Variants in BCL6 observed in about 807,000 individuals in gnomAD.
The protein encoded by BCL6 is BCL6 transcription repressor.
In BCL6, 7 loss-of-function variants were observed where a neutral mutation model predicts 59.5. The ratio of observed to expected loss-of-function variants is 0.12; its 90% CI spans 0.07 to 0.22. BCL6 has a LOEUF of 0.22. Among genes scored for constraint, BCL6 ranks in the 10% least tolerant of loss-of-function variants. The pLI is 1.00. For synonymous variants in BCL6, 339 were observed against 349.7 expected, an observed-to-expected ratio of 0.97 and a Z score of 0.34; for missense variants, 685 against 939.4, an observed-to-expected ratio of 0.73 and a Z score of 3.54.
chr3:187,741,759 C>A (rs920097083), intron 1 of BCL6, among the ~76,000 whole-genome samples: 8 of 152,206 alleles, frequency 5.3e-5, no homozygotes, highest in African/African-American at 1.9e-4. Context: ...CATCCACAAA[C>A]CTCCTCAACA....
intron 1 of BCL6, among the ~76,000 whole-genome samples, chr3:187,739,458 G>A (rs1711517538): frequency 6.6e-6 from 1 of 152,204 alleles, no homozygotes; most frequent in African/African-American, 2.4e-5. Context: ...GGGTGCAGGA[G>A]ACGACAGTAA....
At chr3:187,724,769 G>T (rs1560146700) in intron 9 of BCL6, 172 bp downstream of exon 9, 2 of 932,232 alleles carry the variant, frequency 2.1e-6, no homozygotes, top group East Asian at 5.4e-5. Context: ...TGGCCATTGG[G>T]CCCAGATCTA....
intron 4 of BCL6, 58 bp downstream of exon 4, chr3:187,731,651 T>C: frequency 1.9e-5 from 30 of 1,546,302 alleles, no homozygotes; most frequent in Non-Finnish European, 2.7e-5. Context: ...TTATCAAAGG[T>C]TTCTGATCGG....
intron 2 of BCL6, 123 bp from the exon 3 acceptor site, chr3:187,733,826 A>AT: frequency 1.1e-6 from 1 of 927,472 alleles, no homozygotes; most frequent in Non-Finnish European, 1.7e-6. Context: ...CTTGTATTTG[A>AT]TCTTTGAACA....
At chr3:187,737,060 A>G (rs1719312536) in intron 1 of BCL6, 1 of 152,044 alleles carries the variant, frequency 6.6e-6, no homozygotes, top group Non-Finnish European at 1.5e-5. Context: ...CACAAAAACA[A>G]TCTCCAAGGA....
rs2228258 is a variant in BCL6 at position 187,729,670 on chromosome 3, C to T, written c.735G>A (p.Pro245=). Residue 245 remains proline (P), a synonymous_variant, in exon 5 of 10, where the codon CCG becomes CCA. Coordinates refer to ENST00000406870, the MANE Select transcript of BCL6 (RefSeq NM_001706.5). The surrounding 1 kb of genome is among the most constrained non-coding windows in gnomAD (Gnocchi z 5.6). ...ACACATTGGGGGACACCTCCAAAGT[C>T]GGCCGGCTGTACTCACCAGGGACTG... ...ARPVPGEYSR[P]TLEVSPNVCH... The T allele has an allele frequency of 8.0e-4, 1,287 of 1,614,138 alleles. 3 individuals carry two copies. The highest frequency in any genetic ancestry group is 1.0e-3 in the Non-Finnish European group (1,208 of 1,180,018).
intron 1 of BCL6, among the ~76,000 whole-genome samples, chr3:187,739,182 C>A (rs1224703085): frequency 1.3e-5 from 2 of 152,156 alleles, no homozygotes; most frequent in Non-Finnish European, 2.9e-5. Context: ...CTCCAATAAC[C>A]CGCTGAAAAA....
intron 1 of BCL6, chr3:187,737,395 G>GAA (rs1553841139): frequency 5.9e-4 from 75 of 127,610 alleles, no homozygotes; most frequent in Non-Finnish European, 1.2e-3. Flanking sequence ...GAGAGAGAGA[G>GAA]AAAATGAGAG....
At position 187,729,256 on chromosome 3, in the gene BCL6, G is replaced by A; in HGVS notation, c.1149C>T (p.Leu383=). The change falls in exon 5 of 10, where the codon CTC becomes CTT. Residue 383 remains leucine (L), a synonymous_variant. Coordinates refer to ENST00000406870, the MANE Select transcript of BCL6 (RefSeq NM_001706.5). The surrounding 1 kb of genome is among the most constrained non-coding windows in gnomAD (Gnocchi z 5.6). ...CNWKKYKFIV[L]NSLNQNAKPE... is the part of the protein sequence containing the mutation. ...GTTTGGCATTCTGGTTGAGGCTGTT[G>A]AGCACGATGAACTTGTATTTCTTCC... 6.2e-7 allele frequency: 1 copy of A among 1,614,138 alleles called. No homozygotes were observed. The highest frequency in any genetic ancestry group is 8.5e-7 in the Non-Finnish European group (1 of 1,180,040).
intron 1 of BCL6, among the ~76,000 whole-genome samples, chr3:187,744,013 T>G (rs1579831005): frequency 6.6e-6 from 1 of 152,252 alleles, no homozygotes; most frequent in South Asian, 2.1e-4. Flanking sequence ...GAACGCGGGC[T>G]GGGGCTCTGT....
At chr3:187,736,788 T>C (rs1421327293) in intron 1 of BCL6, 2 of 152,022 alleles carry the variant, frequency 1.3e-5, no homozygotes, top group Non-Finnish European at 2.9e-5. Flanking sequence ...GTGTGGGCAA[T>C]GTTGTCACCA....
At chr3:187,731,972 A>G in intron 3 of BCL6, 42 bp from the exon 4 acceptor site, 1 of 1,537,674 alleles carries the variant, frequency 6.5e-7, no homozygotes, top group South Asian at 1.1e-5. Context: ...GACATATCGA[A>G]TCTGTGATCC....
rs1199842438 is a variant in BCL6 at position 187,722,429 on chromosome 3, T to C, written c.*29A>G. The C allele has an allele frequency of 6.3e-7, 1 of 1,596,036 alleles. No homozygotes were observed. The highest frequency in any genetic ancestry group is 8.5e-7 in the Non-Finnish European group (1 of 1,170,780). ...CTTTGGGTAGATTCTGAGAAGGGGC[T>C]GGAGACGAAAGCATCAACACTCCAT... On this transcript the variant is annotated 3_prime_UTR_variant, in exon 10 of 10. Coordinates refer to ENST00000406870, the MANE Select transcript of BCL6 (RefSeq NM_001706.5).
intron 1 of BCL6, among the ~76,000 whole-genome samples, chr3:187,743,413 T>C (rs1711691163): frequency 6.6e-6 from 1 of 151,932 alleles, no homozygotes; most frequent in East Asian, 1.9e-4. Context: ...GCTTGGGACT[T>C]TCAGCACCTG....
At chr3:187,731,236 G>C (rs552989666) in intron 4 of BCL6, among the ~76,000 whole-genome samples, 1 of 152,286 alleles carries the variant, frequency 6.6e-6, no homozygotes, top group African/African-American at 2.4e-5. Context: ...ACCTTGAGTA[G>C]CTCACAGTCT....
intron 4 of BCL6, among the ~76,000 whole-genome samples, chr3:187,730,877 GAGA>G (rs1719005651): frequency 6.6e-6 from 1 of 152,228 alleles, no homozygotes; most frequent in South Asian, 2.1e-4. Context: ...AAGCCAAAAA[GAGA>G]AGCTTTCTAA....
chr3:187,744,984 C>A (rs533031707), intron 1 of BCL6, among the ~76,000 whole-genome samples: 3 of 152,106 alleles, frequency 2.0e-5, no homozygotes, highest in East Asian at 3.9e-4. Flanking sequence ...ACCCCCCAAG[C>A]ACTGTCTCGT....
Position 187,729,519 on chromosome 3 carries a change from A to G in BCL6, c.886T>C (p.Cys296Arg), listed in dbSNP as rs774632128. 6.2e-7 allele frequency: 1 copy of G among 1,613,592 alleles called. No homozygotes were observed. Among genetic ancestry groups the G allele is most frequent in the Non-Finnish European group, 8.5e-7 (1 of 1,179,864 alleles). Residue 296 changes from cysteine to arginine, a missense_variant, in exon 5 of 10, where the codon TGT becomes CGT. This residue lies in a region of BCL6 where 268 missense variants were observed against 263.8 expected (regional missense o/e 1.02). Transcript: ENST00000406870. The surrounding 1 kb of genome is among the most constrained non-coding windows in gnomAD (Gnocchi z 5.6). ...TCTTCTTCTTTGCTGGCCTTGTCAC[A>G]AGGGAAGTAGGGGGCATTTCGGGCT... ...PSARNAPYFPCDKASKEEERP... is the reference protein window; with the variant it reads ...PSARNAPYFPRDKASKEEERP...
chr3:187,726,979 A>G (rs1718738371), intron 6 of BCL6, 81 bp from the exon 7 acceptor site: 5 of 1,490,398 alleles, frequency 3.4e-6, no homozygotes, highest in Non-Finnish European at 4.6e-6. Flanking sequence ...CTCTGTAGCT[A>G]CCCCTTGTGC....
Sources: allele counts gnomAD v4.1 joint callset (sites outside exome capture counted in the v4.1 genomes callset), GRCh38; gene constraint gnomAD v4.1.1; regional missense constraint gnomAD v4.1.1; non-coding constraint Gnocchi (gnomAD v3.1); transcripts MANE v1.5; gene names NCBI Gene and HGNC (gene_info 2026-07-23, HGNC 2026-07-21).